Variants in BTBD9 observed in about 807,000 individuals in gnomAD.
BTBD9 encodes BTB/POZ domain-containing protein 9.
In BTBD9, 49 loss-of-function variants were observed where a neutral mutation model predicts 64.3. That is an observed-to-expected ratio of 0.76 (90% confidence interval 0.61 to 0.97). The LOEUF is 0.97. BTBD9 is among the 50% of genes least tolerant of loss of function. The pLI is 0.00. For missense variants in BTBD9, 598 were observed against 762.1 expected (o/e 0.78, Z 2.53); for synonymous variants, 260 against 274.7 (o/e 0.95, Z 0.53).
At chr6:38,301,566 A>G (rs563716830) in intron 7 of BTBD9, among the ~76,000 whole-genome samples, 2 of 152,178 alleles carry the variant, frequency 1.3e-5, no homozygotes, top group South Asian at 2.1e-4. Context: ...CAGAGATTCA[A>G]CTTCTTCCTG....
chr6:38,192,684 G>A, intron 9 of BTBD9, 87 bp from the exon 10 acceptor site: 2 of 1,215,830 alleles, frequency 1.6e-6, no homozygotes, highest in South Asian at 2.5e-5. Context: ...CCACTGAGGA[G>A]GGAGGGCTTC....
chr6:38,238,586 C>T (rs527649172), intron 9 of BTBD9, among the ~76,000 whole-genome samples: 2 of 151,224 alleles, frequency 1.3e-5, no homozygotes, highest in Admixed American at 1.3e-4. Flanking sequence ...CATTGTCCTG[C>T]CTCAGCCTCC....
chr6:38,603,786 A>G (rs973117726), intron 1 of BTBD9, among the ~76,000 whole-genome samples: 2 of 152,216 alleles, frequency 1.3e-5, no homozygotes, highest in Non-Finnish European at 2.9e-5. Context: ...CTGCTCTTTA[A>G]TTGCAAAATA....
chr6:38,449,132 G>C (rs1187314525), intron 6 of BTBD9, among the ~76,000 whole-genome samples: 1 of 152,168 alleles, frequency 6.6e-6, no homozygotes, highest in Non-Finnish European at 1.5e-5. Flanking sequence ...TCCAACACTT[G>C]AAGGGCTCTC....
chr6:38,269,812 T>C (rs2127543236), intron 8 of BTBD9, among the ~76,000 whole-genome samples: 1 of 152,350 alleles, frequency 6.6e-6, no homozygotes, highest in Non-Finnish European at 1.5e-5. Flanking sequence ...CTCTTTGGAA[T>C]GTATTCTGCA....
chr6:38,471,119 TAA>T (rs1178489369), intron 6 of BTBD9, among the ~76,000 whole-genome samples: 11 of 152,124 alleles, frequency 7.2e-5, no homozygotes, highest in African/African-American at 2.7e-4. Context: ...CCAATGGCCT[TAA>T]TTTTCTGCAA....
chr6:38,276,516 TA>T (rs1421849813), intron 8 of BTBD9, among the ~76,000 whole-genome samples: 21 of 151,742 alleles, frequency 1.4e-4, no homozygotes, highest in African/African-American at 4.6e-4. Context: ...AAATAAAAAA[TA>T]AAAAAAAGAA....
intron 7 of BTBD9, among the ~76,000 whole-genome samples, chr6:38,323,480 G>A (rs1763310988): frequency 6.6e-6 from 1 of 152,220 alleles, no homozygotes; most frequent in Non-Finnish European, 1.5e-5. Context: ...AGCCAGCTGG[G>A]TAGGGGTGAG....
At chr6:38,637,794 T>C (rs1471323016) in intron 1 of BTBD9, among the ~76,000 whole-genome samples, 1 of 152,222 alleles carries the variant, frequency 6.6e-6, no homozygotes, top group Non-Finnish European at 1.5e-5. Context: ...AACAACCTGA[T>C]ATTGGTTCAA....
intron 6 of BTBD9, among the ~76,000 whole-genome samples, chr6:38,409,591 G>A (rs953062409): frequency 1.3e-5 from 2 of 152,090 alleles, no homozygotes; most frequent in East Asian, 3.9e-4. Flanking sequence ...TTGGGAGGCC[G>A]AGGTGGGCAG....
At chr6:38,543,024 A>C (rs1582605495) in intron 6 of BTBD9, among the ~76,000 whole-genome samples, 1 of 152,198 alleles carries the variant, frequency 6.6e-6, no homozygotes, top group Non-Finnish European at 1.5e-5. Context: ...CTAAACTCTT[A>C]CCTAAAAGGC....
intron 6 of BTBD9, among the ~76,000 whole-genome samples, chr6:38,563,012 A>C (rs933649136): frequency 6.6e-6 from 1 of 151,970 alleles, no homozygotes; most frequent in African/African-American, 2.4e-5. Flanking sequence ...TTCCTCATCT[A>C]CTTGATCTGC....
At chr6:38,467,438 C>G (rs1234487034) in intron 6 of BTBD9, among the ~76,000 whole-genome samples, 1 of 152,154 alleles carries the variant, frequency 6.6e-6, no homozygotes, top group Admixed American at 6.5e-5. Context: ...ATTACCTCCC[C>G]CCATATTAGG....
At chr6:38,322,841 G>A (rs1019452555) in intron 7 of BTBD9, among the ~76,000 whole-genome samples, 4 of 152,148 alleles carry the variant, frequency 2.6e-5, no homozygotes, top group African/African-American at 9.7e-5. Flanking sequence ...GACAGTCTCT[G>A]GATCTCAGCT....
At chr6:38,633,838 T>C (rs1185702877) in intron 1 of BTBD9, among the ~76,000 whole-genome samples, 1 of 152,100 alleles carries the variant, frequency 6.6e-6, no homozygotes, top group Non-Finnish European at 1.5e-5. Context: ...CCCATCCCTA[T>C]ACTCGTCATG....
At chr6:38,554,991 T>C (rs7743871) in intron 6 of BTBD9, among the ~76,000 whole-genome samples, 31,355 of 152,180 alleles carry the variant, frequency 0.21, 3,698 homozygotes, top group Non-Finnish European at 0.29. Context: ...TGGGTGATGC[T>C]ACTAAAGAGA....
intron 9 of BTBD9, among the ~76,000 whole-genome samples, chr6:38,202,369 C>G (rs929701858): frequency 8.6e-5 from 13 of 151,704 alleles, no homozygotes; most frequent in African/African-American, 3.2e-4. Flanking sequence ...ACGTGAGCCA[C>G]TGCACCCAGC....
intron 1 of BTBD9, among the ~76,000 whole-genome samples, chr6:38,607,000 A>G (rs1307847051): frequency 6.6e-6 from 1 of 152,204 alleles, no homozygotes; most frequent in Non-Finnish European, 1.5e-5. Flanking sequence ...AACTCCTCAG[A>G]GCAGCAGTTC....
Position 38,430,574 on chromosome 6 carries a change from G to A in BTBD9, c.1155-85481C>T, listed in dbSNP as rs139008515. On this transcript the variant is annotated intron_variant, in intron 6 of 10. Transcript: ENST00000481247. ...TCTGTTGCCCAGGCTGGGGTGCAGAGGCATGATCACAGCTCATTGCAGCCT... is the reference window on the plus strand; with the variant it reads ...TCTGTTGCCCAGGCTGGGGTGCAGAAGCATGATCACAGCTCATTGCAGCCT... Among the ~76,000 whole-genome samples the A allele has an allele frequency of 3.1e-3, 475 of 151,998 alleles. 12 individuals carry two copies. Among genetic ancestry groups the A allele is most frequent in the Admixed American group, 0.029 (438 of 15,288 alleles).
Sources: gnomAD v4.1 joint callset for allele counts (sites outside exome capture counted in the v4.1 genomes callset) on GRCh38, gnomAD v4.1.1 for gene constraint, MANE v1.5 for transcripts, NCBI Gene and HGNC (gene_info 2026-07-23, HGNC 2026-07-21) for gene names.